POLR3K: variants seen among roughly 807,000 people sequenced by gnomAD.
POLR3K encodes RNA polymerase III subunit K.
In POLR3K, 11 loss-of-function variants were observed where a neutral mutation model predicts 13.5. That is an observed-to-expected ratio of 0.81 (90% CI 0.51 to 1.35). POLR3K has a LOEUF of 1.35. Among genes scored for constraint, POLR3K ranks in the 40% most tolerant of loss-of-function variants. The pLI, the probability that POLR3K is intolerant of heterozygous loss-of-function variation, is 0.00. For missense variants in POLR3K, 144 were observed against 145.3 expected, an observed-to-expected ratio of 0.99 and a Z score of 0.05; for synonymous variants, 56 against 51.5, an observed-to-expected ratio of 1.09 and a Z score of -0.38.
Position 49,829 on chromosome 16 carries a change from G to A in POLR3K, c.199+1729C>T, listed in dbSNP as rs535796714. The stretch of plus-strand genomic sequence containing the variant: ...TACTTTTTGTATTTTTAGTGGAGAC[G>A]GGGTTTCACCATGTTGGCCAGGATG... On this transcript the variant is annotated intron_variant, in intron 2 of 2. Transcript: ENST00000293860. Among the ~76,000 whole-genome samples, 7 of 151,956 alleles carry A rather than the reference G, an allele frequency of 4.6e-5. No individual in the cohort carries two copies. In the East Asian group the frequency reaches 7.7e-4, roughly 17 times the overall value.
intron 1 of POLR3K, among the ~76,000 whole-genome samples, chr16:52,655 A>T (rs1247348637): frequency 1.3e-5 from 2 of 149,308 alleles, no homozygotes; most frequent in Non-Finnish European, 3.0e-5. Flanking sequence ...AGTCCCAGCT[A>T]ATTGGGAGGC....
Position 47,522 on chromosome 16 carries a change from A to G in POLR3K, c.235T>C (p.Phe79Leu). The stretch of plus-strand genomic sequence containing the variant: ...GCAGAGCGGGTCTGAAGCTGCATGA[A>G]GTAAGCACGAGGATGTTCGCATTTG... ...CPKCEHPRAYFMQLQTRSADE... is the reference protein window; with the variant it reads ...CPKCEHPRAYLMQLQTRSADE... The change falls in exon 3 of 3, where the codon TTC becomes CTC. Residue 79 changes from phenylalanine to leucine, a missense_variant. Transcript: ENST00000293860. 3 of 1,613,256 alleles carry G rather than the reference A, an allele frequency of 1.9e-6. No homozygotes were observed. The highest frequency in any genetic ancestry group is 2.5e-6 in the Non-Finnish European group (3 of 1,179,424).
chr16:53,251 G>A, intron 1 of POLR3K: 1 of 867,690 alleles, frequency 1.2e-6, no homozygotes, highest in South Asian at 2.2e-5. Context: ...TGTGAACGCA[G>A]AGAAGGGCGC....
rs1425756773 is a variant in POLR3K, at chr16:53,480, C to A, written c.107G>T (p.Arg36Leu). The A allele has an allele frequency of 6.2e-7, 1 of 1,609,198 alleles. No homozygotes were observed. The highest frequency in any genetic ancestry group is 8.5e-7 in the Non-Finnish European group (1 of 1,177,808). ...GCGCCGGCCTTCGGGTCCCACCTTG[C>A]GGGTGATGTTGTGCACGTAGGGGCA... ...NTCPYVHNIT[R>L]KVTNRKYPKL... Residue 36 changes from arginine (R) to leucine (L), a missense_variant, in exon 1 of 3, where the codon CGC (arginine) becomes CTC (leucine). Coordinates refer to ENST00000293860, the MANE Select transcript of POLR3K (RefSeq NM_016310.5).
intron 2 of POLR3K, among the ~76,000 whole-genome samples, chr16:51,228 T>G (rs1050772233): frequency 1.3e-5 from 2 of 152,216 alleles, no homozygotes; most frequent in African/African-American, 2.4e-5. Flanking sequence ...GCCTCTTATA[T>G]ACCAAGCACG....
chr16:48,866 AGAAG>A (rs1317978631), intron 2 of POLR3K, among the ~76,000 whole-genome samples: 1 of 33,740 alleles, frequency 3.0e-5, no homozygotes, highest in East Asian at 1.1e-3. Flanking sequence ...TGAAAAGAAG[AGAAG>A]AGGCCGGGTA....
chr16:52,909 A>G (rs1203228560), intron 1 of POLR3K: 1 of 152,784 alleles, frequency 6.5e-6, no homozygotes, highest in Non-Finnish European at 1.5e-5. Flanking sequence ...GAGGGGCTGA[A>G]ATTTAAAATA....
At chr16:49,518 C>A (rs148257067) in intron 2 of POLR3K, among the ~76,000 whole-genome samples, 14 of 151,814 alleles carry the variant, frequency 9.2e-5, no homozygotes, top group Non-Finnish European at 2.1e-4. Context: ...CAGTCTCACT[C>A]AGGCTGGAGT....
intron 1 of POLR3K, among the ~76,000 whole-genome samples, chr16:52,685 G>C (rs1316420175): frequency 1.4e-5 from 2 of 145,942 alleles, no homozygotes; most frequent in Non-Finnish European, 3.0e-5. Flanking sequence ...AGAGTGGCGT[G>C]AACCCGGGAG....
Position 47,399 on chromosome 16 carries a change from C to T in POLR3K, c.*31G>A. 1.2e-6 allele frequency: 2 copies of T among 1,605,888 alleles called. No homozygotes were observed. Among genetic ancestry groups the T allele is most frequent in the Non-Finnish European group, 1.7e-6 (2 of 1,174,860 alleles). ...CATCTACCCCGAGGGACAAGGCAAG[C>T]ACACACTAGGGCAGCTGGGCCATCC... On this transcript the variant is annotated 3_prime_UTR_variant, in exon 3 of 3. Coordinates refer to ENST00000293860, the MANE Select transcript of POLR3K (RefSeq NM_016310.5).
At position 49,338 on chromosome 16, in the gene POLR3K, C is replaced by G. The variant is rs138884299; in HGVS notation, c.200-1781G>C. Among the ~76,000 whole-genome samples, 971 of 151,762 alleles carry G rather than the reference C, an allele frequency of 6.4e-3. 13 individuals carry two copies. The highest frequency in any genetic ancestry group is 0.022 in the African/African-American group (914 of 41,376). ...CTGTAATCCCAGCTACTCATGAGGC[C>G]GAGGAAGGAGAATCACTTGAACCTG... is the stretch of plus-strand genomic sequence containing the variant. On this transcript the variant is annotated intron_variant, in intron 2 of 2. Transcript: ENST00000293860.
rs771015870 is a variant in POLR3K at position 47,427 on chromosome 16, G to A, written c.*3C>T. 1.9e-6 allele frequency: 3 copies of A among 1,612,206 alleles called. No individual in the cohort carries two copies. Among genetic ancestry groups the A allele is most frequent in the Non-Finnish European group, 2.5e-6 (3 of 1,178,818 alleles). On this transcript the variant is annotated 3_prime_UTR_variant, in exon 3 of 3. Coordinates refer to ENST00000293860, the MANE Select transcript of POLR3K (RefSeq NM_016310.5). Reference sequence around the variant, plus strand: ...ACACTAGGGCAGCTGGGCCATCCTGGCCCTAATCCCTCCAGCGGTGTCCAC... The same window carrying A: ...ACACTAGGGCAGCTGGGCCATCCTGACCCTAATCCCTCCAGCGGTGTCCAC...
intron 1 of POLR3K, 149 bp downstream of exon 1, chr16:53,327 G>A: frequency 7.3e-7 from 1 of 1,376,636 alleles, no homozygotes; most frequent in Non-Finnish European, 9.5e-7. Flanking sequence ...TTGGAAAGTA[G>A]AGCCCACAGA....
At chr16:50,239 G>T (rs535655840) in intron 2 of POLR3K, among the ~76,000 whole-genome samples, 1 of 152,118 alleles carries the variant, frequency 6.6e-6, no homozygotes. Context: ...GATTGCAGGC[G>T]TGAGCCACCA....
chr16:50,983 AACTC>A (rs1313278866), intron 2 of POLR3K, among the ~76,000 whole-genome samples: 5 of 152,150 alleles, frequency 3.3e-5, no homozygotes, highest in Non-Finnish European at 4.4e-5. Flanking sequence ...ATCTTGTGAG[AACTC>A]ACTCACTATC....
At chr16:53,329 G>GC in intron 1 of POLR3K, 147 bp downstream of exon 1, 1 of 1,383,728 alleles carries the variant, frequency 7.2e-7, no homozygotes, top group East Asian at 2.7e-5. Flanking sequence ...GGAAAGTAGA[G>GC]CCCACAGATC....
At chr16:52,295 A>T (rs1897340466) in intron 1 of POLR3K, among the ~76,000 whole-genome samples, 1 of 151,366 alleles carries the variant, frequency 6.6e-6, no homozygotes, top group South Asian at 2.1e-4. Context: ...AAAAATACAA[A>T]AATTAGCCGG....
chr16:52,446 CAAAA>C (rs767411954), intron 1 of POLR3K, among the ~76,000 whole-genome samples: 6 of 74,194 alleles, frequency 8.1e-5, no homozygotes, highest in African/African-American at 3.5e-4. Context: ...GACTCTGTCT[CAAAA>C]AAAAAAAAAA....
chr16:51,478 T>C, intron 2 of POLR3K, 80 bp downstream of exon 2: 3 of 1,086,822 alleles, frequency 2.8e-6, no homozygotes, highest in Non-Finnish European at 4.2e-6. Flanking sequence ...TTATATGACA[T>C]CATAGACTCT....
Sources: allele counts gnomAD v4.1 joint callset (sites outside exome capture counted in the v4.1 genomes callset), GRCh38; gene constraint gnomAD v4.1.1; transcripts MANE v1.5; gene names NCBI Gene and HGNC (gene_info 2026-07-23, HGNC 2026-07-21).